The following AAK1 variants were observed in gnomAD, a reference collection of about 807,000 sequenced individuals.
AAK1 encodes AP2-associated protein kinase 1.
AAK1 carries 37 observed loss-of-function variants against 116.0 expected under a neutral mutation model. The ratio of observed to expected loss-of-function variants is 0.32; its 90% CI spans 0.25 to 0.42. The LOEUF (loss-of-function observed/expected upper bound fraction) is 0.42. AAK1 is among the 10% of genes least tolerant of loss of function. AAK1 has a pLI of 1.00. For synonymous variants in AAK1, 458 were observed against 439.9 expected (o/e 1.04, Z -0.51); for missense variants, 919 against 1,170.6 (o/e 0.79, Z 3.14).
At chr2:69,535,782 A>T (rs543501629) in intron 5 of AAK1, among the ~76,000 whole-genome samples, 1 of 152,278 alleles carries the variant, frequency 6.6e-6, no homozygotes, top group East Asian at 1.9e-4. Flanking sequence ...TAGTACCAGT[A>T]CTGCAAAGAA....
chr2:69,635,367 G>A (rs539129723), intron 2 of AAK1, among the ~76,000 whole-genome samples: 4 of 152,306 alleles, frequency 2.6e-5, no homozygotes, highest in East Asian at 3.9e-4. Flanking sequence ...GGGTACAGCC[G>A]CTATGGAAAA....
Position 69,471,037 on chromosome 2 carries a change from A to C in AAK1, c.*4832T>G. The C allele has an allele frequency of 1.0e-6, 1 of 985,798 alleles. No homozygotes were observed. The highest frequency in any genetic ancestry group is 4.7e-5 in the South Asian group (1 of 21,282). The allele number at this position is 985,798 out of a possible 1,614,324, so 61.1% of individuals were successfully genotyped here. ...TGTTCAAATTTCACGTTTTTACTGC[A>C]TAAGATATCTTCATGTACAACTGTA... is the stretch of plus-strand genomic sequence containing the variant. On this transcript the variant is annotated 3_prime_UTR_variant, in exon 22 of 22. Transcript: ENST00000409085.
At chr2:69,587,404 T>C (rs1461395111) in intron 2 of AAK1, among the ~76,000 whole-genome samples, 2 of 151,198 alleles carry the variant, frequency 1.3e-5, no homozygotes, top group African/African-American at 2.4e-5. Context: ...TGTACATATA[T>C]ACACATGTGT....
chr2:69,480,260 CAAAAAAA>C (rs761196037), intron 19 of AAK1, among the ~76,000 whole-genome samples: 1 of 68,064 alleles, frequency 1.5e-5, no homozygotes, highest in Non-Finnish European at 3.4e-5. Flanking sequence ...GAATTATGGA[CAAAAAAA>C]AAAAAAAAAG....
chr2:69,617,061 AAGGTAT>A (rs1559006315), intron 2 of AAK1, among the ~76,000 whole-genome samples: 1 of 152,074 alleles, frequency 6.6e-6, no homozygotes, highest in Non-Finnish European at 1.5e-5. Flanking sequence ...GGATGTCCTT[AAGGTAT>A]AGGTCAAGGA....
intron 13 of AAK1, among the ~76,000 whole-genome samples, chr2:69,513,412 C>T (rs537799621): frequency 3.3e-5 from 5 of 152,050 alleles, no homozygotes; most frequent in South Asian, 2.1e-4. Flanking sequence ...CTCCACCTCC[C>T]GGGTTCACGC....
chr2:69,573,893 G>A (rs2105126038), intron 2 of AAK1, among the ~76,000 whole-genome samples: 1 of 152,066 alleles, frequency 6.6e-6, no homozygotes, highest in East Asian at 1.9e-4. Flanking sequence ...CAGCTGCTTG[G>A]GAGGCTGAGG....
At position 69,466,265 on chromosome 2, in the gene AAK1, G is replaced by A. The variant is rs56033551; in HGVS notation, c.*9604C>T. 3.1e-6 allele frequency: 4 copies of A among 1,289,730 alleles called. No individual in the cohort carries two copies. Among genetic ancestry groups the A allele is most frequent in the Non-Finnish European group, 4.0e-6 (4 of 988,856 alleles). 79.9% of individuals were successfully genotyped at this position (1,289,730 alleles called of 1,614,324 possible). On this transcript the variant is annotated 3_prime_UTR_variant, in exon 22 of 22. Transcript: ENST00000409085. ...CGGCTCCTCCCAGCTTCCCCGGGGG[G>A]GGTCTGCAGCTCTCATCTTCTTCTT...
chr2:69,516,801 G>A (rs1676599788), intron 12 of AAK1: 1 of 152,318 alleles, frequency 6.6e-6, no homozygotes, highest in Non-Finnish European at 1.5e-5. Flanking sequence ...GAAGGCTGAG[G>A]CGGGAGGATC....
At position 69,466,208 on chromosome 2, in the gene AAK1, C is replaced by T. The variant is rs1674479986; in HGVS notation, c.*9661G>A. 1 of 1,289,704 alleles carries T rather than the reference C, an allele frequency of 7.8e-7. No homozygotes were observed. Among genetic ancestry groups the T allele is most frequent in the Non-Finnish European group, 1.0e-6 (1 of 988,880 alleles). 79.9% of individuals were successfully genotyped at this position (1,289,704 alleles called of 1,614,324 possible). On this transcript the variant is annotated 3_prime_UTR_variant, in exon 22 of 22. Transcript: ENST00000409085. ...TTCCACCTTGCACTGTCTTTGCTTG[C>T]TCAGGAGAGACTTCTGGTGGAGCGA...
intron 10 of AAK1, among the ~76,000 whole-genome samples, chr2:69,524,045 T>A (rs1295761926): frequency 2.6e-5 from 4 of 152,230 alleles, no homozygotes; most frequent in African/African-American, 9.6e-5. Flanking sequence ...TTTTGGCATC[T>A]GCTTTTTGGA....
chr2:69,562,088 C>A (rs1436820060), intron 2 of AAK1, among the ~76,000 whole-genome samples: 1 of 152,052 alleles, frequency 6.6e-6, no homozygotes, highest in Non-Finnish European at 1.5e-5. Flanking sequence ...TAGGTATGTA[C>A]CCAGGAATGG....
chr2:69,470,052 G>C lies in AAK1; in HGVS notation c.*5817C>G. 8 of 985,452 alleles carry C rather than the reference G, an allele frequency of 8.1e-6. No individual in the cohort carries two copies. Among genetic ancestry groups the C allele is most frequent in the Non-Finnish European group, 9.6e-6 (8 of 829,940 alleles). 61.0% of individuals were successfully genotyped at this position (985,452 alleles called of 1,614,324 possible). A position where few individuals can be genotyped will look rare whatever the true frequency, so the allele number is the denominator to read the frequency against. ...TTTCCCCTGGAAACTCCATCTGATT[G>C]ACATAGTGAGGGCCATCAGAATGCT... On this transcript the variant is annotated 3_prime_UTR_variant, in exon 22 of 22. Coordinates refer to ENST00000409085, the MANE Select transcript of AAK1 (RefSeq NM_014911.5).
chr2:69,605,680 A>T (rs1428267078), intron 2 of AAK1, among the ~76,000 whole-genome samples: 2 of 152,216 alleles, frequency 1.3e-5, no homozygotes, highest in East Asian at 1.9e-4. Context: ...ATGTATGTGT[A>T]GTTGTATGTA....
In AAK1 at chr2:69,473,360, A is replaced by G. The variant is rs1205639596; in HGVS notation, c.*2509T>C. 9 of 985,352 alleles carry G rather than the reference A, an allele frequency of 9.1e-6. No individual in the cohort carries two copies. The highest frequency in any genetic ancestry group is 1.1e-4 in the East Asian group (1 of 8,828). The allele number at this position is 985,352 out of a possible 1,614,324, so 61.0% of individuals were successfully genotyped here. On this transcript the variant is annotated 3_prime_UTR_variant, in exon 22 of 22. Transcript: ENST00000409085. The stretch of plus-strand genomic sequence containing the variant: ...GTACCAGGACACTATGCTCAACTCA[A>G]ATAAACTCTTTCAGCTCAGGGATGA...
intron 3 of AAK1, among the ~76,000 whole-genome samples, chr2:69,556,125 T>C (rs1485688890): frequency 6.6e-6 from 1 of 152,194 alleles, no homozygotes; most frequent in Non-Finnish European, 1.5e-5. Context: ...CATAACAAAA[T>C]GTGCAGATTT....
chr2:69,626,456 A>G (rs75932505), intron 2 of AAK1, among the ~76,000 whole-genome samples: 3,273 of 151,418 alleles, frequency 0.022, 111 homozygotes, highest in African/African-American at 0.073. Flanking sequence ...AACACTCTGA[A>G]GTGTCCATTC....
intron 2 of AAK1, among the ~76,000 whole-genome samples, chr2:69,573,042 C>T (rs1024654883): frequency 6.6e-6 from 1 of 152,116 alleles, no homozygotes; most frequent in African/African-American, 2.4e-5. Flanking sequence ...CCCAGCTTCC[C>T]TGAAGCAGAG....
At position 69,480,913 on chromosome 2, in the gene AAK1, G is replaced by A. The variant is rs756320962; in HGVS notation, c.2516C>T (p.Pro839Leu). The A allele has an allele frequency of 1.9e-6, 3 of 1,607,162 alleles. No individual in the cohort carries two copies. The highest frequency in any genetic ancestry group is 2.5e-6 in the Non-Finnish European group (3 of 1,177,320). The stretch of plus-strand genomic sequence containing the variant: ...CTGAGATGGGAGGCGCTGGGGAACT[G>A]GGGGCTCCAGTCCTGGTATGAGACT... The part of the protein sequence containing the change: ...VESLIPGLEP[P>L]VPQRLPSQTE... Residue 839 changes from proline (P) to leucine (L), a missense_variant, in exon 19 of 22, where the codon CCA (proline) becomes CTA (leucine). By Grantham distance (98) the Pro-to-Leu change is moderately conservative (BLOSUM62 -3). This residue lies in a region of AAK1 where 263 missense variants were observed against 285.5 expected (regional missense o/e 0.92). Coordinates refer to ENST00000409085, the MANE Select transcript of AAK1 (RefSeq NM_014911.5).
Sources: gnomAD v4.1 joint callset for allele counts (sites outside exome capture counted in the v4.1 genomes callset) on GRCh38, gnomAD v4.1.1 for gene constraint, gnomAD v4.1.1 regional missense constraint, MANE v1.5 for transcripts, NCBI Gene and HGNC (gene_info 2026-07-23, HGNC 2026-07-21) for gene names.